Variants in MAP3K9 observed in about 807,000 individuals in gnomAD.
MAP3K9 encodes mixed lineage kinase 1 (tyr and ser/thr specificity).
Under a neutral mutation model 95.8 loss-of-function variants are expected in MAP3K9, and 46 were observed. The ratio of observed to expected loss-of-function variants is 0.48; its 90% CI spans 0.38 to 0.61. The LOEUF (loss-of-function observed/expected upper bound fraction) is 0.61, where lower values mean the gene tolerates loss of function less well. MAP3K9 is among the 20% of genes least tolerant of loss of function. MAP3K9 has a pLI of 0.00. For synonymous variants in MAP3K9, 533 were observed against 593.8 expected, an observed-to-expected ratio of 0.90 and a Z score of 1.49; for missense variants, 1,296 against 1,474.3, an observed-to-expected ratio of 0.88 and a Z score of 1.98.
rs1433107467 is a variant in MAP3K9, at chr14:70,724,644, T to G, written c.*5736A>C. 6.6e-6 allele frequency: 1 copy of G among 152,218 alleles called. No individual in the cohort carries two copies. The highest frequency in any genetic ancestry group is 2.4e-5 in the African/African-American group (1 of 41,450). 9.4% of individuals were successfully genotyped at this position (152,218 alleles called of 1,614,324 possible). A position where few individuals can be genotyped will look rare whatever the true frequency, so the allele number is the denominator to read the frequency against. On this transcript the variant is annotated 3_prime_UTR_variant, in exon 12 of 12. Transcript: ENST00000554752. The stretch of plus-strand genomic sequence containing the variant: ...TTCCACGATGAATACAGTATCAAAA[T>G]TTTAAGTCAGGCTTTGTCTGGGTTG...
intron 2 of MAP3K9, among the ~76,000 whole-genome samples, chr14:70,796,374 CGT>C (rs1566766923): frequency 1.3e-5 from 2 of 152,178 alleles, no homozygotes; most frequent in African/African-American, 4.8e-5. Context: ...CTGAGCCACA[CGT>C]CCCAGGGCCT....
At chr14:70,782,262 C>T (rs993265065) in intron 2 of MAP3K9, among the ~76,000 whole-genome samples, 1 of 152,128 alleles carries the variant, frequency 6.6e-6, no homozygotes, top group African/African-American at 2.4e-5. Context: ...AATAAATTGA[C>T]CGTATTTCTT....
chr14:70,784,511 G>C (rs1234754133), intron 2 of MAP3K9, among the ~76,000 whole-genome samples: 1 of 152,160 alleles, frequency 6.6e-6, no homozygotes, highest in African/African-American at 2.4e-5. Context: ...GGGAGGCCGA[G>C]GTGGGCAGAT....
chr14:70,741,102 T>A (rs1275104080), intron 6 of MAP3K9, among the ~76,000 whole-genome samples: 2 of 152,154 alleles, frequency 1.3e-5, no homozygotes, highest in Admixed American at 1.3e-4. Context: ...TACACTTTTT[T>A]TTTTTGAGAT....
At chr14:70,782,217 G>A (rs978850089) in intron 2 of MAP3K9, among the ~76,000 whole-genome samples, 3 of 152,182 alleles carry the variant, frequency 2.0e-5, no homozygotes, top group African/African-American at 7.2e-5. Flanking sequence ...AGGATGGAAA[G>A]AATGCAGTGG....
chr14:70,801,382 G>A (rs116824824), intron 1 of MAP3K9, among the ~76,000 whole-genome samples: 5,119 of 152,260 alleles, frequency 0.034, 120 homozygotes, highest in Middle Eastern at 0.051. Context: ...AAGGGAATAT[G>A]GGAGAGGTCC....
chr14:70,799,883 G>A (rs1430384515), intron 2 of MAP3K9, among the ~76,000 whole-genome samples: 1 of 152,154 alleles, frequency 6.6e-6, no homozygotes, highest in African/African-American at 2.4e-5. Flanking sequence ...ATGCAATTGT[G>A]TCCTCTTTAC....
intron 2 of MAP3K9, among the ~76,000 whole-genome samples, chr14:70,772,555 A>C (rs1294138113): frequency 6.6e-6 from 1 of 152,202 alleles, no homozygotes; most frequent in Non-Finnish European, 1.5e-5. Flanking sequence ...TGTCTGCTTA[A>C]ATCAGTTTAG....
At position 70,725,626 on chromosome 14, in the gene MAP3K9, T is replaced by G. The variant is rs1566720801; in HGVS notation, c.*4754A>C. On this transcript the variant is annotated 3_prime_UTR_variant, in exon 12 of 12. Transcript: ENST00000554752. ...ATGGATTTTCCTTTCATATGTGAATTTTCATTAATTTGAATTCCTAATCTA... is the reference window on the plus strand; with the variant it reads ...ATGGATTTTCCTTTCATATGTGAATGTTCATTAATTTGAATTCCTAATCTA... The G allele has an allele frequency of 6.6e-6, 1 of 152,142 alleles. No individual in the cohort carries two copies. Among genetic ancestry groups the G allele is most frequent in the Non-Finnish European group, 1.5e-5 (1 of 68,022 alleles). The allele number at this position is 152,142 out of a possible 1,614,324, so 9.4% of individuals were successfully genotyped here.
rs567453244 is a variant in MAP3K9, at chr14:70,743,430, G to A, written c.1327-839C>T. Among the ~76,000 whole-genome samples, 9 of 152,004 alleles carry A rather than the reference G, an allele frequency of 5.9e-5. No individual in the cohort carries two copies. In the South Asian group the frequency reaches 1.9e-3, roughly 32 times the overall value. On this transcript the variant is annotated intron_variant, in intron 5 of 11. Coordinates refer to ENST00000554752, the MANE Select transcript of MAP3K9 (RefSeq NM_001284230.2). ...CATCAGAGTGAATAGGCAACCTACA[G>A]AATGGGAGAAAACTTTGCAATCTAT... is the stretch of plus-strand genomic sequence containing the variant.
chr14:70,749,087 TC>T (rs1566739885), intron 4 of MAP3K9, 83 bp from the exon 5 acceptor site: 1 of 1,355,412 alleles, frequency 7.4e-7, no homozygotes, highest in African/African-American at 1.5e-5. Flanking sequence ...TGGCCTCACT[TC>T]CCAGAAAACT....
At chr14:70,736,853 C>G (rs138360779) in intron 8 of MAP3K9, among the ~76,000 whole-genome samples, 3 of 152,274 alleles carry the variant, frequency 2.0e-5, no homozygotes, top group Non-Finnish European at 4.4e-5. Flanking sequence ...ACTTTCTGCT[C>G]AAAGGTATCT....
chr14:70,791,474 C>T (rs561387197), intron 2 of MAP3K9, among the ~76,000 whole-genome samples: 1 of 152,174 alleles, frequency 6.6e-6, no homozygotes, highest in South Asian at 2.1e-4. Context: ...AATGAAGGCA[C>T]GTGGCCCACA....
At chr14:70,733,398 A>G (rs546157396) in intron 10 of MAP3K9, 56 bp from the exon 11 acceptor site, 7 of 795,268 alleles carry the variant, frequency 8.8e-6, no homozygotes, top group Admixed American at 2.8e-5. Flanking sequence ...GGTGGCAGGA[A>G]TAAGAATCTG....
At position 70,808,896 on chromosome 14, in the gene MAP3K9, C is replaced by T. The variant is rs894647645; in HGVS notation, c.276G>A (p.Glu92=). ...LSKDSQVSGD[E]GWWTGQLNQR... ...GGTTCAGCTGCCCGGTCCACCAGCCCTCGTCGCCGGACACCTGCGAGTCCT... is the reference window on the plus strand; with the variant it reads ...GGTTCAGCTGCCCGGTCCACCAGCCTTCGTCGCCGGACACCTGCGAGTCCT... The change falls in exon 1 of 12, where the codon GAG becomes GAA. Residue 92 remains glutamate, a synonymous_variant. Transcript: ENST00000554752. 6.3e-7 allele frequency: 1 copy of T among 1,597,768 alleles called. No homozygotes were observed.
chr14:70,737,174 G>A (rs182126886), intron 8 of MAP3K9, among the ~76,000 whole-genome samples: 2 of 152,194 alleles, frequency 1.3e-5, no homozygotes, highest in East Asian at 3.9e-4. Flanking sequence ...AAACGGTTCC[G>A]TCCATTCTTC....
chr14:70,758,820 T>C (rs1041607559), intron 3 of MAP3K9, among the ~76,000 whole-genome samples: 8 of 151,912 alleles, frequency 5.3e-5, no homozygotes, highest in Non-Finnish European at 1.0e-4. Flanking sequence ...TGGAGTGCAA[T>C]GGCACAATCC....
chr14:70,730,678 G>A lies in MAP3K9; in HGVS notation c.3017C>T (p.Pro1006Leu). ...ATGGCTGGGGGACACAAACCACCAAGGGTCCAGCCGTTGCCGGTTGGCAGA... is the reference window on the plus strand; with the variant it reads ...ATGGCTGGGGGACACAAACCACCAAAGGTCCAGCCGTTGCCGGTTGGCAGA... ...RPSANRQRLD[P>L]WWFVSPSHAR... The change falls in exon 12 of 12, where the codon CCT becomes CTT. Residue 1006 changes from proline (P) to leucine (L), a missense_variant. Pro to Leu is a moderately conservative substitution (Grantham distance 98). This residue lies in a region of MAP3K9 where 433 missense variants were observed against 441.4 expected (regional missense o/e 0.98). Transcript: ENST00000554752. The A allele has an allele frequency of 1.2e-6, 2 of 1,613,762 alleles. No homozygotes were observed. Among genetic ancestry groups the A allele is most frequent in the Non-Finnish European group, 1.7e-6 (2 of 1,180,026 alleles).
At chr14:70,737,047 A>G (rs1448745256) in intron 8 of MAP3K9, among the ~76,000 whole-genome samples, 4 of 152,242 alleles carry the variant, frequency 2.6e-5, no homozygotes, top group African/African-American at 9.6e-5. Flanking sequence ...CAACCTGAGA[A>G]GCTCTTTAGA....
Sources: allele counts gnomAD v4.1 joint callset (sites outside exome capture counted in the v4.1 genomes callset), GRCh38; gene constraint gnomAD v4.1.1; regional missense constraint gnomAD v4.1.1; transcripts MANE v1.5; gene names NCBI Gene and HGNC (gene_info 2026-07-23, HGNC 2026-07-21).